Variants in C5orf46 observed in about 807,000 individuals in gnomAD.
C5orf46 encodes chromosome 5 open reading frame 46.
In C5orf46, 9 loss-of-function variants were observed where a neutral mutation model predicts 8.9. The observed-to-expected ratio is 1.01, with a 90% confidence interval of 0.61 to 1.76. The LOEUF (loss-of-function observed/expected upper bound fraction) is 1.76, where lower values mean the gene tolerates loss of function less well. C5orf46 is among the 40% of genes most tolerant of loss of function. The pLI is 0.00. For missense variants in C5orf46, 98 were observed against 107.8 expected (o/e 0.91, Z 0.40); for synonymous variants, 47 against 41.4 (o/e 1.14, Z -0.52).
intron 1 of C5orf46, among the ~76,000 whole-genome samples, chr5:147,902,444 C>A (rs1469771489): frequency 1.3e-5 from 2 of 152,014 alleles, no homozygotes; most frequent in East Asian, 3.9e-4. Context: ...AAAGTGAGAC[C>A]CTGTCTCTGA....
intron 2 of C5orf46, among the ~76,000 whole-genome samples, chr5:147,899,264 T>C (rs1757631231): frequency 6.6e-6 from 1 of 152,190 alleles, no homozygotes; most frequent in Admixed American, 6.5e-5. Flanking sequence ...ATTAAGAGCC[T>C]AGACTATTCC....
downstream of C5orf46, among the ~76,000 whole-genome samples, chr5:147,890,965 A>G (rs1757495128): frequency 6.6e-6 from 1 of 152,204 alleles, no homozygotes; most frequent in African/African-American, 2.4e-5. Context: ...ATTTCTGTAA[A>G]AAGTCAAGCA....
At chr5:147,906,297 G>C (rs1757749793) in intron 1 of C5orf46, 135 bp downstream of exon 1, 1 of 465,360 alleles carries the variant, frequency 2.1e-6, no homozygotes, top group South Asian at 6.9e-5. Flanking sequence ...TACACCTCTT[G>C]TCTCCCAGGC....
chr5:147,888,802 A>T (rs1757458881), downstream of C5orf46, among the ~76,000 whole-genome samples: 1 of 152,204 alleles, frequency 6.6e-6, no homozygotes, highest in Non-Finnish European at 1.5e-5. Context: ...AAGATTGTTC[A>T]GTATTTAAAT....
At position 147,896,980 on chromosome 5, in the gene C5orf46, T is replaced by C; in HGVS notation, c.*9+4A>G. The C allele has an allele frequency of 6.9e-7, 1 of 1,453,620 alleles. No individual in the cohort carries two copies. The highest frequency in any genetic ancestry group is 9.5e-7 in the Non-Finnish European group (1 of 1,053,376). The allele number at this position is 1,453,620 out of a possible 1,614,324, so 90.0% of individuals were successfully genotyped here. A position where few individuals can be genotyped will look rare whatever the true frequency, so the allele number is the denominator to read the frequency against. On this transcript the variant is annotated splice_donor_region_variant and intron_variant, in intron 3 of 3. Transcript: ENST00000318315. The stretch of plus-strand genomic sequence containing the variant: ...TCAGTTGTAAATTTTAAGTGAAAAA[T>C]CACCTGAGGATGTCACTTTGATGAA...
intron 1 of C5orf46, among the ~76,000 whole-genome samples, chr5:147,906,098 A>C (rs1314358694): frequency 3.9e-5 from 6 of 152,202 alleles, no homozygotes; most frequent in Non-Finnish European, 8.8e-5. Flanking sequence ...TCCAGAGTAC[A>C]TATTCTTCAC....
chr5:147,892,994 G>A (rs1051030566), intron 3 of C5orf46, 55 bp from the exon 4 acceptor site: 4 of 152,198 alleles, frequency 2.6e-5, no homozygotes, highest in Non-Finnish European at 2.9e-5. Flanking sequence ...GCTGGTTTAA[G>A]ACGTTAAATA....
chr5:147,889,284 C>T (rs1328960066), downstream of C5orf46, among the ~76,000 whole-genome samples: 3 of 152,088 alleles, frequency 2.0e-5, no homozygotes, highest in African/African-American at 4.8e-5. Flanking sequence ...AAAGCACTCA[C>T]CCAAACCCCA....
downstream of C5orf46, among the ~76,000 whole-genome samples, chr5:147,890,138 C>T (rs1213622930): frequency 1.3e-5 from 2 of 152,132 alleles, no homozygotes; most frequent in African/African-American, 4.8e-5. Context: ...CCCATGTTCC[C>T]ATGTCCGTGC....
chr5:147,901,824 C>A, intron 1 of C5orf46, 51 bp from the exon 2 acceptor site: 1 of 1,578,826 alleles, frequency 6.3e-7, no homozygotes, highest in South Asian at 1.1e-5. Flanking sequence ...AAGAAGGAAT[C>A]ATTCTTTCTG....
intron 1 of C5orf46, among the ~76,000 whole-genome samples, chr5:147,904,204 T>C (rs1400912912): frequency 6.6e-6 from 1 of 152,174 alleles, no homozygotes; most frequent in Non-Finnish European, 1.5e-5. Context: ...GCGGAACTCA[T>C]GTGTAAGGTG....
intron 1 of C5orf46, among the ~76,000 whole-genome samples, chr5:147,903,347 C>A (rs1198458589): frequency 6.6e-6 from 1 of 152,186 alleles, no homozygotes; most frequent in Non-Finnish European, 1.5e-5. Flanking sequence ...AATTAGGACA[C>A]CCTGATGCTG....
chr5:147,902,774 A>G (rs374650189), intron 1 of C5orf46, among the ~76,000 whole-genome samples: 2 of 152,230 alleles, frequency 1.3e-5, no homozygotes, highest in East Asian at 3.9e-4. Context: ...CTTTTAGAAG[A>G]TTCAAAATAG....
chr5:147,899,256 T>TA (rs1342982064), intron 2 of C5orf46, among the ~76,000 whole-genome samples: 8 of 152,182 alleles, frequency 5.3e-5, no homozygotes, highest in Non-Finnish European at 1.2e-4. Flanking sequence ...GAGAAGGGAT[T>TA]AAGAGCCTAG....
At chr5:147,901,085 T>C (rs907950874) in intron 2 of C5orf46, among the ~76,000 whole-genome samples, 20 of 152,280 alleles carry the variant, frequency 1.3e-4, no homozygotes, top group African/African-American at 4.8e-4. Context: ...GGTTATCTAC[T>C]GTCTCTGCTA....
chr5:147,891,808 G>A (rs1757506403), downstream of C5orf46, among the ~76,000 whole-genome samples: 1 of 152,202 alleles, frequency 6.6e-6, no homozygotes, highest in Non-Finnish European at 1.5e-5. Context: ...AATGCAGAGT[G>A]TGAGTTGTCT....
chr5:147,894,721 T>C (rs1757553842), intron 3 of C5orf46, among the ~76,000 whole-genome samples: 1 of 148,552 alleles, frequency 6.7e-6, no homozygotes, highest in Admixed American at 6.7e-5. Context: ...ATTGATATAG[T>C]AGGTATGGAT....
At chr5:147,892,468 T>G (rs141636186), downstream of C5orf46, among the ~76,000 whole-genome samples, 586 of 152,340 alleles carry the variant, frequency 3.8e-3, 2 homozygotes, top group African/African-American at 0.013. Context: ...ACTCTGAAAT[T>G]GCATACATTT....
chr5:147,888,691 C>T (rs1387078699), downstream of C5orf46, among the ~76,000 whole-genome samples: 3 of 152,148 alleles, frequency 2.0e-5, no homozygotes, highest in African/African-American at 7.2e-5. Flanking sequence ...TCCAAGAGAA[C>T]CATCTTCCTT....
Sources: gnomAD v4.1 joint callset for allele counts (sites outside exome capture counted in the v4.1 genomes callset) on GRCh38, gnomAD v4.1.1 for gene constraint, MANE v1.5 for transcripts, NCBI Gene and HGNC (gene_info 2026-07-23, HGNC 2026-07-21) for gene names.